CLYBL: variants seen among roughly 807,000 people sequenced by gnomAD.
CLYBL encodes citramalyl-CoA lyase, also known as citramalyl-CoA lyase, mitochondrial.
CLYBL carries 31 observed loss-of-function variants against 38.9 expected under a neutral mutation model. The ratio of observed to expected loss-of-function variants is 0.80; its 90% confidence interval spans 0.60 to 1.08. CLYBL has a LOEUF of 1.08. CLYBL is among the 50% of genes least tolerant of loss of function. The pLI is 0.00. For missense variants in CLYBL, 434 were observed against 411.6 expected (o/e 1.05, Z -0.47); for synonymous variants, 171 against 158.6 (o/e 1.08, Z -0.59).
At chr13:99,796,621 T>C (rs1007573250) in intron 2 of CLYBL, among the ~76,000 whole-genome samples, 1 of 152,212 alleles carries the variant, frequency 6.6e-6, no homozygotes, top group African/African-American at 2.4e-5. Context: ...ACACAGCTAA[T>C]AAGCAAGGAA....
At chr13:99,881,234 A>G (rs1279399623) in intron 7 of CLYBL, among the ~76,000 whole-genome samples, 1 of 152,218 alleles carries the variant, frequency 6.6e-6, no homozygotes, top group Admixed American at 6.5e-5. Flanking sequence ...GAACTTTCAG[A>G]AATTTCATGT....
At chr13:99,617,631 G>A (rs1011883465) in intron 1 of CLYBL, among the ~76,000 whole-genome samples, 3 of 51,096 alleles carry the variant, frequency 5.9e-5, no homozygotes, top group East Asian at 8.1e-4. Flanking sequence ...CTGCCCTCAC[G>A]AACGCCTTTC....
At chr13:99,644,199 G>GGTGT (rs573429235) in intron 1 of CLYBL, among the ~76,000 whole-genome samples, 957 of 75,014 alleles carry the variant, frequency 0.013, 30 homozygotes, top group Admixed American at 0.093. Flanking sequence ...ATGTATATGT[G>GGTGT]GTGTATGTGT....
At position 99,637,153 on chromosome 13, in the gene CLYBL, C is replaced by T. The variant is rs80011839; in HGVS notation, c.62+30396C>T. ...CCTCCCAAAGTGCTGGGGTTACAGG[C>T]ATGAGCCACTGTGTCCAACCTAATT... is the stretch of plus-strand genomic sequence containing the variant. On this transcript the variant is annotated intron_variant, in intron 1 of 8. Transcript: ENST00000339105. 6.4e-3 allele frequency among the ~76,000 whole-genome samples: 968 copies of T among 152,328 alleles called. 8 individuals are homozygous for T. The highest frequency in any genetic ancestry group is 0.013 in the Admixed American group (197 of 15,306).
chr13:99,655,520 C>T (rs979280152), intron 1 of CLYBL, among the ~76,000 whole-genome samples: 1 of 152,240 alleles, frequency 6.6e-6, no homozygotes, highest in South Asian at 2.1e-4. Context: ...GCCTTTCTCC[C>T]AGGCTGTGTT....
In CLYBL at chr13:99,607,431, T is replaced by C. The variant is rs372395890; in HGVS notation, c.62+674T>C. Among the ~76,000 whole-genome samples, 5 of 152,316 alleles carry C rather than the reference T, an allele frequency of 3.3e-5. No homozygotes were observed. In the East Asian group the frequency reaches 9.7e-4, roughly 29 times the overall value. ...ATATTTGAAAGAAATTCTGGGCTCATGCAGATGCAGATATTAGTTGGGAAA... is the reference window on the plus strand; with the variant it reads ...ATATTTGAAAGAAATTCTGGGCTCACGCAGATGCAGATATTAGTTGGGAAA... On this transcript the variant is annotated intron_variant, in intron 1 of 8. Transcript: ENST00000339105.
chr13:99,706,407 G>C (rs183175628), intron 1 of CLYBL, among the ~76,000 whole-genome samples: 1 of 152,288 alleles, frequency 6.6e-6, no homozygotes, highest in East Asian at 1.9e-4. Flanking sequence ...TTTGCATCCT[G>C]AGAGTCTCCT....
chr13:99,777,550 T>C (rs1306397575), intron 2 of CLYBL, among the ~76,000 whole-genome samples: 3 of 151,230 alleles, frequency 2.0e-5, no homozygotes, highest in African/African-American at 7.3e-5. Flanking sequence ...TAGAGTGCAA[T>C]GGTGTGATCT....
At chr13:99,724,079 C>T (rs537828170) in intron 1 of CLYBL, among the ~76,000 whole-genome samples, 2 of 152,070 alleles carry the variant, frequency 1.3e-5, no homozygotes, top group South Asian at 4.2e-4. Flanking sequence ...CTCAGAAGTC[C>T]ATCTTTTCTT....
chr13:99,639,124 G>A (rs1222734836), intron 1 of CLYBL, among the ~76,000 whole-genome samples: 1 of 152,150 alleles, frequency 6.6e-6, no homozygotes, highest in African/African-American at 2.4e-5. Flanking sequence ...TGGAAAACCG[G>A]CAATCTGTGA....
rs748356329 is a variant in CLYBL at position 99,771,531 on chromosome 13, C to G, written c.63-1293C>G. On this transcript the variant is annotated intron_variant, in intron 1 of 8. Coordinates refer to ENST00000339105, the MANE Select transcript of CLYBL (RefSeq NM_206808.5). ...CTGCATTTTCATTTTCACCGGGCCC[C>G]GCAAATTGTATCGCTCGTCCTGATT... 5.3e-5 allele frequency among the ~76,000 whole-genome samples: 8 copies of G among 152,264 alleles called. 1 individual carries two copies. The highest frequency in any genetic ancestry group is 3.4e-3 in the Middle Eastern group (1 of 294).
chr13:99,881,391 T>C (rs1331172974), intron 7 of CLYBL, among the ~76,000 whole-genome samples: 1 of 152,184 alleles, frequency 6.6e-6, no homozygotes, highest in African/African-American at 2.4e-5. Flanking sequence ...ACTTTCTAAG[T>C]CTCCAGTCAT....
intron 2 of CLYBL, among the ~76,000 whole-genome samples, chr13:99,818,948 T>C (rs2139020946): frequency 6.6e-6 from 1 of 152,366 alleles, no homozygotes; most frequent in Middle Eastern, 3.4e-3. Flanking sequence ...GTTGCTGTTA[T>C]ATCCTGCTTT....
chr13:99,830,369 GC>G (rs2050781560), intron 2 of CLYBL, among the ~76,000 whole-genome samples: 1 of 152,192 alleles, frequency 6.6e-6, no homozygotes, highest in African/African-American at 2.4e-5. Context: ...GGAAGGACAG[GC>G]ACTGACGCAC....
chr13:99,875,247 C>G (rs2052007487), intron 7 of CLYBL, among the ~76,000 whole-genome samples: 1 of 152,184 alleles, frequency 6.6e-6, no homozygotes. Context: ...TCATTTCACT[C>G]AGGAGAGAAA....
chr13:99,845,109 G>A (rs2051169145), intron 2 of CLYBL, among the ~76,000 whole-genome samples: 2 of 152,190 alleles, frequency 1.3e-5, no homozygotes, highest in Admixed American at 1.3e-4. Flanking sequence ...CCCACTTCCT[G>A]TATGTCCAGA....
intron 7 of CLYBL, among the ~76,000 whole-genome samples, chr13:99,876,037 A>T (rs1463049722): frequency 2.6e-5 from 4 of 151,824 alleles, no homozygotes; most frequent in Non-Finnish European, 5.9e-5. Context: ...GAATTGCTAC[A>T]AAGTATTGAA....
At chr13:99,657,942 A>G (rs2047352117) in intron 1 of CLYBL, among the ~76,000 whole-genome samples, 1 of 152,306 alleles carries the variant, frequency 6.6e-6, no homozygotes, top group East Asian at 1.9e-4. Context: ...CTGAGTCTCC[A>G]TGTTTCCTCG....
chr13:99,613,764 C>T (rs564194726), intron 1 of CLYBL, among the ~76,000 whole-genome samples: 1 of 152,280 alleles, frequency 6.6e-6, no homozygotes, highest in East Asian at 1.9e-4. Flanking sequence ...TTCTTTGCTA[C>T]TTGAACTGGT....
Sources: gnomAD v4.1 joint callset for allele counts (sites outside exome capture counted in the v4.1 genomes callset) on GRCh38, gnomAD v4.1.1 for gene constraint, MANE v1.5 for transcripts, NCBI Gene and HGNC (gene_info 2026-07-23, HGNC 2026-07-21) for gene names.